ZBP1: variants seen among roughly 807,000 people sequenced by gnomAD.
The protein encoded by ZBP1 is Z-DNA binding protein 1.
A neutral mutation model predicts 41.1 loss-of-function variants in ZBP1; 42 were observed. That is an observed-to-expected ratio of 1.02 (90% confidence interval 0.80 to 1.32). The LOEUF is 1.32. ZBP1 is among the 40% of genes most tolerant of loss of function. The pLI is 0.00. For missense variants in ZBP1, 562 were observed against 549.7 expected (o/e 1.02, Z -0.22); for synonymous variants, 214 against 205.2 (o/e 1.04, Z -0.37).
chr20:57,613,332 T>C lies in ZBP1; in HGVS notation c.503-2A>G. On this transcript the variant is annotated splice_acceptor_variant, in intron 4 of 7. Coordinates refer to ENST00000371173, the MANE Select transcript of ZBP1 (RefSeq NM_030776.3). LOFTEE classifies it high-confidence loss of function. The surrounding 1 kb of genome is among the most constrained non-coding windows in gnomAD (Gnocchi z 4.5). Reference sequence around the variant, plus strand: ...ACTTTGCTCTTCTTCCAGAATCTTCTGCAAAATAATATTCAACTGTATCCC... The same window carrying C: ...ACTTTGCTCTTCTTCCAGAATCTTCCGCAAAATAATATTCAACTGTATCCC... The C allele has an allele frequency of 6.2e-7, 1 of 1,612,454 alleles. No individual in the cohort carries two copies. The highest frequency in any genetic ancestry group is 8.5e-7 in the Non-Finnish European group (1 of 1,179,948).
In ZBP1 at chr20:57,616,461, A is replaced by G. The variant is rs1221989993; in HGVS notation, c.42T>C (p.Leu14=). 2 of 1,613,310 alleles carry G rather than the reference A, an allele frequency of 1.2e-6. No individual in the cohort carries two copies. The highest frequency in any genetic ancestry group is 1.1e-5 in the South Asian group (1 of 91,054). ...TCAGCACCTGCAGGATTCTTTGTTC[A>G]AGGTGGCCTGGGGGAGCGAGCGGGG... ...APADPGREGH[L]EQRILQVLTE... is the part of the protein sequence containing the mutation. The change falls in exon 2 of 8, where the codon CTT becomes CTC. Residue 14 remains leucine (L), a synonymous_variant. Coordinates refer to ENST00000371173, the MANE Select transcript of ZBP1 (RefSeq NM_030776.3).
At position 57,610,511 on chromosome 20, in the gene ZBP1, G is replaced by A. The variant is rs369233420; in HGVS notation, c.875-144C>T. ...CCAGGAGCACAGCCTGTGCCTGCCC[G>A]CCACACCTCCACCCGCCACACCTCC... On this transcript the variant is annotated intron_variant, in intron 6 of 7. Transcript: ENST00000371173. The surrounding 1 kb of genome is among the most constrained non-coding windows in gnomAD (Gnocchi z 5.5). The A allele has an allele frequency of 3.0e-3, 2,248 of 761,476 alleles. 14 individuals are homozygous for A. The highest frequency in any genetic ancestry group is 0.017 in the Middle Eastern group (45 of 2,666). The allele number at this position is 761,476 out of a possible 1,614,324, so 47.2% of individuals were successfully genotyped here.
Position 57,611,893 on chromosome 20 carries a change from T to C in ZBP1, c.708A>G (p.Pro236=). The C allele has an allele frequency of 6.4e-7, 1 of 1,570,712 alleles. No homozygotes were observed. Among genetic ancestry groups the C allele is most frequent in the Non-Finnish European group, 8.6e-7 (1 of 1,157,328 alleles). The change falls in exon 6 of 8, where the codon CCA becomes CCG. Residue 236 remains proline (P), a synonymous_variant. Transcript: ENST00000371173. Reference sequence around the variant, plus strand: ...GGGTCCCCCAAGTTGAGGAATCACCTGGTGCCATTGAAGGGAGGTGGCGTG... The same window carrying C: ...GGGTCCCCCAAGTTGAGGAATCACCCGGTGCCATTGAAGGGAGGTGGCGTG... The part of the protein sequence containing the change: ...AGPRHLPSMA[P]GDSSTWGTLV...
rs552061003 is a variant in ZBP1 at position 57,620,378 on chromosome 20, C to G, written c.-83G>C. 27 of 1,496,242 alleles carry G rather than the reference C, an allele frequency of 1.8e-5. No homozygotes were observed. The African/African-American group carries it at 2.5e-4, about 14-fold the overall frequency. 92.7% of individuals were successfully genotyped at this position (1,496,242 alleles called of 1,614,324 possible). A position where few individuals can be genotyped will look rare whatever the true frequency, so the allele number is the denominator to read the frequency against. ...GTGGCCCTGAGAGGGTGGGCTAGGT[C>G]GAGGCTGGGGCTTCTGAAGTGGCCG... On this transcript the variant is annotated 5_prime_UTR_variant, in exon 1 of 8. Transcript: ENST00000371173.
chr20:57,607,281 G>GACTT, intron 7 of ZBP1: 1 of 1,300,254 alleles, frequency 7.7e-7, no homozygotes, highest in Non-Finnish European at 1.0e-6. Flanking sequence ...AGGGGTTCAA[G>GACTT]ACTTCAGTGA....
At chr20:57,619,340 C>A (rs2070936683) in intron 1 of ZBP1, among the ~76,000 whole-genome samples, 1 of 152,188 alleles carries the variant, frequency 6.6e-6, no homozygotes, top group Admixed American at 6.5e-5. Context: ...CTTCAGGTTC[C>A]TCTTCTGTGA....
chr20:57,604,308 C>T lies in ZBP1; in HGVS notation c.*265G>A, dbSNP rs562117860. On this transcript the variant is annotated 3_prime_UTR_variant, in exon 8 of 8. Transcript: ENST00000371173. ...AGAGAGTCCCCTGGGCCTGGGGGAC[C>T]GAGCCCCACTCCCATCTACCCACCT... 10 of 616,604 alleles carry T rather than the reference C, an allele frequency of 1.6e-5. No individual in the cohort carries two copies. The highest frequency in any genetic ancestry group is 2.4e-5 in the Non-Finnish European group (8 of 330,734). 38.2% of individuals were successfully genotyped at this position (616,604 alleles called of 1,614,324 possible).
At chr20:57,612,900 A>C in intron 5 of ZBP1, 6 of 1,338,584 alleles carry the variant, frequency 4.5e-6, no homozygotes, top group Non-Finnish European at 5.7e-6. Flanking sequence ...CTTAATTTTA[A>C]AATTTTATTA....
rs1336563830 is a variant in ZBP1, at chr20:57,613,976, C to T, written c.503-646G>A. 1.3e-5 allele frequency among the ~76,000 whole-genome samples: 2 copies of T among 152,314 alleles called. No homozygotes were observed. Among genetic ancestry groups the T allele is most frequent in the Non-Finnish European group, 1.5e-5 (1 of 68,032 alleles). On this transcript the variant is annotated intron_variant, in intron 4 of 7. Coordinates refer to ENST00000371173, the MANE Select transcript of ZBP1 (RefSeq NM_030776.3). The surrounding 1 kb of genome is among the most constrained non-coding windows in gnomAD (Gnocchi z 4.5). Reference sequence around the variant, plus strand: ...CCTTTGTGGGCCCTTCCCCCATACACAAATATTTAAATTACATTGTATAGC... The same window carrying T: ...CCTTTGTGGGCCCTTCCCCCATACATAAATATTTAAATTACATTGTATAGC...
At chr20:57,618,562 C>T (rs776683733) in intron 1 of ZBP1, among the ~76,000 whole-genome samples, 18 of 152,186 alleles carry the variant, frequency 1.2e-4, no homozygotes, top group Non-Finnish European at 2.5e-4. Context: ...CACCTGGCTT[C>T]ACCTTGTCTC....
rs2070454962 is a variant in ZBP1 at position 57,604,775 on chromosome 20, G to T, written c.1094-6C>A. ...TGTGTCTGCGGGACGACGACCTAGG[G>T]AAGAGAAGATGGGGGATCAGCTTCA... On this transcript the variant is annotated splice_region_variant and splice_polypyrimidine_tract_variant and intron_variant, in intron 7 of 7. Transcript: ENST00000371173. 6.2e-7 allele frequency: 1 copy of T among 1,611,324 alleles called. No homozygotes were observed. The highest frequency in any genetic ancestry group is 1.3e-5 in the African/African-American group (1 of 74,978).
chr20:57,606,814 G>A (rs546731581), intron 7 of ZBP1, among the ~76,000 whole-genome samples: 1 of 152,272 alleles, frequency 6.6e-6, no homozygotes, highest in Admixed American at 6.5e-5. Flanking sequence ...GAGACTTACT[G>A]CTTAGAAAAC....
At chr20:57,612,148 GCAGGGACAC>G (rs1342459904) in intron 5 of ZBP1, among the ~76,000 whole-genome samples, 2 of 152,062 alleles carry the variant, frequency 1.3e-5, no homozygotes, top group Admixed American at 6.6e-5. Context: ...CCTGGGTGTT[GCAGGGACAC>G]TCACAAACCC....
At chr20:57,615,809 G>A (rs2146590578) in intron 2 of ZBP1, 1 of 555,198 alleles carries the variant, frequency 1.8e-6, no homozygotes, top group Non-Finnish European at 3.1e-6. Context: ...CTGGGGTTGT[G>A]TGAGGGCTGG....
chr20:57,613,726 C>A lies in ZBP1; in HGVS notation c.503-396G>T, dbSNP rs146478309. Among the ~76,000 whole-genome samples, 647 of 152,324 alleles carry A rather than the reference C, an allele frequency of 4.2e-3. 5 individuals carry two copies. Among genetic ancestry groups the A allele is most frequent in the African/African-American group, 0.015 (619 of 41,582 alleles). On this transcript the variant is annotated intron_variant, in intron 4 of 7. Coordinates refer to ENST00000371173, the MANE Select transcript of ZBP1 (RefSeq NM_030776.3). This position sits in a 1 kb window ranked among gnomAD's most constrained non-coding sequence, Gnocchi z 4.5. ...GAAACAGCAGCCCATTGGGCCAGAT[C>A]GGTCGTGTTTGGCTCCCATGACATT...
chr20:57,610,280 C>T lies in ZBP1; in HGVS notation c.962G>A (p.Arg321Lys). The T allele has an allele frequency of 6.2e-7, 1 of 1,614,180 alleles. No individual in the cohort carries two copies. Among genetic ancestry groups the T allele is most frequent in the African/African-American group, 1.3e-5 (1 of 75,042 alleles). The change falls in exon 7 of 8, where the codon AGA becomes AAA. Residue 321 changes from arginine to lysine, a missense_variant. Coordinates refer to ENST00000371173, the MANE Select transcript of ZBP1 (RefSeq NM_030776.3). This position sits in a 1 kb window ranked among gnomAD's most constrained non-coding sequence, Gnocchi z 5.5. ...GTHPEGEAAQ[R>K]IHMKSCFLED... ...GAGAAAGCACGATTTCATGTGGATT[C>T]TCTGGGCGGCTTCCCCCTCAGGGTG...
chr20:57,619,336 G>A (rs1158676181), intron 1 of ZBP1, among the ~76,000 whole-genome samples: 9 of 152,192 alleles, frequency 5.9e-5, no homozygotes, highest in Admixed American at 5.9e-4. Flanking sequence ...CCGGCTTCAG[G>A]TTCCTCTTCT....
At chr20:57,611,085 G>A (rs987663131) in intron 6 of ZBP1, among the ~76,000 whole-genome samples, 4 of 152,118 alleles carry the variant, frequency 2.6e-5, no homozygotes, top group East Asian at 1.9e-4. Flanking sequence ...CTCCTAGTAC[G>A]GCACCTGTCT....
chr20:57,611,411 A>ATTTTATTTT (rs2070664893), intron 6 of ZBP1, among the ~76,000 whole-genome samples: 1 of 95,142 alleles, frequency 1.1e-5, no homozygotes, highest in Non-Finnish European at 1.9e-5. Context: ...TGCCCGGTTA[A>ATTTTATTTT]TTTTTTTTTT....
Sources: gnomAD v4.1 joint callset for allele counts (sites outside exome capture counted in the v4.1 genomes callset) on GRCh38, gnomAD v4.1.1 for gene constraint, Gnocchi (gnomAD v3.1) non-coding constraint, MANE v1.5 for transcripts, NCBI Gene and HGNC (gene_info 2026-07-23, HGNC 2026-07-21) for gene names.